The following CACNA2D3 variants were observed in gnomAD, a reference collection of about 807,000 sequenced individuals.
The protein encoded by CACNA2D3 is voltage-dependent calcium channel subunit alpha-2/delta-3.
Under a neutral mutation model 160.6 loss-of-function variants are expected in CACNA2D3, and 60 were observed. The ratio of observed to expected loss-of-function variants is 0.37; its 90% CI spans 0.30 to 0.46. The LOEUF is 0.46. Ranked by LOEUF, CACNA2D3 falls within the 20% of genes least tolerant of loss-of-function variation. The pLI, the probability that CACNA2D3 is intolerant of heterozygous loss-of-function variation, is 1.00. For synonymous variants in CACNA2D3, 558 were observed against 492.9 expected (o/e 1.13, Z -1.75); for missense variants, 1,205 against 1,365.0 (o/e 0.88, Z 1.85).
At chr3:54,574,530 G>C in intron 8 of CACNA2D3, among the ~76,000 whole-genome samples, 1 of 152,222 alleles carries the variant, frequency 6.6e-6, no homozygotes, top group Non-Finnish European at 1.5e-5. Flanking sequence ...CAAACTAACT[G>C]ATTGAATTAT....
At chr3:54,237,171 C>T (rs1013183451) in intron 2 of CACNA2D3, among the ~76,000 whole-genome samples, 6 of 151,946 alleles carry the variant, frequency 3.9e-5, no homozygotes, top group African/African-American at 1.5e-4. Context: ...CTTCCAGTAC[C>T]CCCTCGAAGA....
intron 31 of CACNA2D3, among the ~76,000 whole-genome samples, chr3:54,997,135 A>G (rs909947300): frequency 3.9e-5 from 6 of 152,206 alleles, no homozygotes; most frequent in African/African-American, 1.4e-4. Context: ...ACAAACCTGC[A>G]CATTCTGCAC....
chr3:55,025,026 G>A (rs1226355717), intron 35 of CACNA2D3, among the ~76,000 whole-genome samples: 1 of 152,152 alleles, frequency 6.6e-6, no homozygotes, highest in Non-Finnish European at 1.5e-5. Flanking sequence ...ACTCTATGAG[G>A]CGGCCAGTAT....
At chr3:54,371,441 C>T (rs980435785) in intron 3 of CACNA2D3, among the ~76,000 whole-genome samples, 1 of 152,172 alleles carries the variant, frequency 6.6e-6, no homozygotes, top group Admixed American at 6.5e-5. Flanking sequence ...CTAACAACTT[C>T]ATCGAGATAT....
rs1203178438 is a variant in CACNA2D3 at position 54,130,778 on chromosome 3, C to G, written c.204+7184C>G. Among the ~76,000 whole-genome samples, 5 of 152,326 alleles carry G rather than the reference C, an allele frequency of 3.3e-5. No homozygotes were observed. The Middle Eastern group carries it at 0.01, about 313-fold the overall frequency. ...CATAATACCTGAATTTTCGATCTCACAGGTGTTTGGGAGGATTAAATGAGA... is the reference window on the plus strand; with the variant it reads ...CATAATACCTGAATTTTCGATCTCAGAGGTGTTTGGGAGGATTAAATGAGA... On this transcript the variant is annotated intron_variant, in intron 2 of 37. Coordinates refer to ENST00000474759, the MANE Select transcript of CACNA2D3 (RefSeq NM_018398.3).
At chr3:54,247,202 C>T (rs1242992780) in intron 2 of CACNA2D3, among the ~76,000 whole-genome samples, 1 of 151,958 alleles carries the variant, frequency 6.6e-6, no homozygotes, top group Middle Eastern at 3.4e-3. Context: ...CCCAGTTACT[C>T]GGGAGGCTGA....
At chr3:54,186,941 G>T (rs1184532714) in intron 2 of CACNA2D3, among the ~76,000 whole-genome samples, 2 of 152,164 alleles carry the variant, frequency 1.3e-5, no homozygotes, top group Non-Finnish European at 2.9e-5. Context: ...GCCTAGTGAG[G>T]AGGGAAAGGA....
chr3:54,640,444 T>C (rs867308941), intron 10 of CACNA2D3, among the ~76,000 whole-genome samples: 1 of 152,318 alleles, frequency 6.6e-6, no homozygotes, highest in South Asian at 2.1e-4. Flanking sequence ...GCATCATTAA[T>C]AGCATTAATT....
At chr3:54,444,017 A>AT in intron 4 of CACNA2D3, among the ~76,000 whole-genome samples, 1 of 152,284 alleles carries the variant, frequency 6.6e-6, no homozygotes, top group Middle Eastern at 3.4e-3. Context: ...GATGGCCACT[A>AT]TATCCCAGCA....
At chr3:54,699,824 A>G (rs1700733711) in intron 11 of CACNA2D3, among the ~76,000 whole-genome samples, 1 of 152,184 alleles carries the variant, frequency 6.6e-6, no homozygotes, top group African/African-American at 2.4e-5. Context: ...AATAATATTA[A>G]TTTGGCTTTT....
intron 29 of CACNA2D3, among the ~76,000 whole-genome samples, chr3:54,971,938 G>A (rs1426322678): frequency 2.6e-5 from 4 of 152,050 alleles, no homozygotes; most frequent in African/African-American, 4.8e-5. Flanking sequence ...GAATAGATAA[G>A]ACATGAACAA....
chr3:54,137,190 A>T (rs1472881854), intron 2 of CACNA2D3, among the ~76,000 whole-genome samples: 2 of 152,226 alleles, frequency 1.3e-5, no homozygotes, highest in Non-Finnish European at 2.9e-5. Flanking sequence ...GGGCGGCATG[A>T]ATGGAGATTT....
chr3:54,990,583 C>A (rs1366936175), intron 31 of CACNA2D3, among the ~76,000 whole-genome samples: 1 of 152,140 alleles, frequency 6.6e-6, no homozygotes, highest in Non-Finnish European at 1.5e-5. Context: ...AAGAACTCCA[C>A]AAACCATCTT....
At chr3:54,411,973 A>G (rs572382045) in intron 4 of CACNA2D3, among the ~76,000 whole-genome samples, 1 of 152,278 alleles carries the variant, frequency 6.6e-6, no homozygotes, top group South Asian at 2.1e-4. Context: ...TCATAAGGAG[A>G]GTTCCTTTCT....
At chr3:54,983,849 A>G (rs1559454781) in intron 29 of CACNA2D3, among the ~76,000 whole-genome samples, 1 of 152,360 alleles carries the variant, frequency 6.6e-6, no homozygotes, top group Non-Finnish European at 1.5e-5. Context: ...CAAGGACGGA[A>G]TTAAACCTTA....
chr3:54,909,450 G>T (rs948388353), intron 27 of CACNA2D3, among the ~76,000 whole-genome samples: 3 of 151,940 alleles, frequency 2.0e-5, no homozygotes, highest in African/African-American at 7.3e-5. Context: ...CTCATGCTAA[G>T]TAAAGGGCCC....
chr3:54,286,562 T>A (rs953714768), intron 2 of CACNA2D3, among the ~76,000 whole-genome samples: 1 of 152,116 alleles, frequency 6.6e-6, no homozygotes, highest in Non-Finnish European at 1.5e-5. Context: ...ATATTCAGAT[T>A]CAGGAAATAC....
chr3:54,173,809 A>G (rs1461311806), intron 2 of CACNA2D3, among the ~76,000 whole-genome samples: 1 of 152,196 alleles, frequency 6.6e-6, no homozygotes, highest in East Asian at 1.9e-4. Flanking sequence ...GTCATCCTTT[A>G]ATATAATAGT....
intron 35 of CACNA2D3, among the ~76,000 whole-genome samples, chr3:55,069,372 C>G (rs1559479213): frequency 6.6e-6 from 1 of 152,142 alleles, no homozygotes; most frequent in Non-Finnish European, 1.5e-5. Flanking sequence ...TTCCTTTCCA[C>G]CACCATTGTA....
Sources: allele counts gnomAD v4.1 joint callset (sites outside exome capture counted in the v4.1 genomes callset), GRCh38; gene constraint gnomAD v4.1.1; transcripts MANE v1.5; gene names NCBI Gene and HGNC (gene_info 2026-07-23, HGNC 2026-07-21).